Variants in ZNF280C observed in about 807,000 individuals in gnomAD.
ZNF280C encodes the protein zinc finger protein 280C, also known as suppressor of hairy wing homolog 3.
Under a neutral mutation model 53.6 loss-of-function variants are expected in ZNF280C, and 14 were observed. The observed-to-expected ratio is 0.26, with a 90% CI of 0.17 to 0.41. ZNF280C has a LOEUF of 0.41. Ranked by LOEUF, ZNF280C falls within the 10% of genes least tolerant of loss-of-function variation. The pLI, the probability that ZNF280C is intolerant of heterozygous loss-of-function variation, is 1.00. For missense variants in ZNF280C, 416 were observed against 547.1 expected (o/e 0.76, Z 2.39); for synonymous variants, 203 against 181.1 (o/e 1.12, Z -0.97).
At chrX:130,243,465 G>C (rs1031255225) in intron 5 of ZNF280C, 98 bp downstream of exon 5, 5 of 967,177 alleles carry the variant, frequency 5.2e-6, no homozygotes, top group Middle Eastern at 3.6e-4. Flanking sequence ...GATTACAGGC[G>C]TGAGCCACTG....
chrX:130,218,714 C>T (rs1437805511), intron 13 of ZNF280C, among the ~76,000 whole-genome samples: 1 of 111,922 alleles, frequency 8.9e-6, no homozygotes, highest in Non-Finnish European at 1.9e-5. Context: ...GCTACATGAC[C>T]TTGAGTAAGG....
At chrX:130,223,310 G>C (rs2032188728) in intron 12 of ZNF280C, among the ~76,000 whole-genome samples, 1 of 111,667 alleles carries the variant, frequency 9.0e-6, no homozygotes, top group African/African-American at 3.3e-5. Flanking sequence ...CGCCTGCCTT[G>C]GCCTCCCAAA....
chrX:130,250,089 C>T (rs1428435138), intron 2 of ZNF280C, among the ~76,000 whole-genome samples: 1 of 110,854 alleles, frequency 9.0e-6, no homozygotes, highest in Non-Finnish European at 1.9e-5. Flanking sequence ...TCTAAGATAG[C>T]CAAAAAAATA....
intron 15 of ZNF280C, among the ~76,000 whole-genome samples, chrX:130,214,429 C>T (rs1342191794): frequency 1.8e-5 from 2 of 111,181 alleles, no homozygotes; most frequent in Non-Finnish European, 3.8e-5. Flanking sequence ...CAGACAGATG[C>T]GGGAGACAGA....
chrX:130,250,567 C>G (rs1459782202), intron 2 of ZNF280C, among the ~76,000 whole-genome samples: 1 of 111,563 alleles, frequency 9.0e-6, no homozygotes, highest in Non-Finnish European at 1.9e-5. Context: ...TTCACTCTCC[C>G]CAGACTGAAC....
At chrX:130,259,311 G>C (rs2032605536) in intron 2 of ZNF280C, among the ~76,000 whole-genome samples, 2 of 112,023 alleles carry the variant, frequency 1.8e-5, no homozygotes, top group Non-Finnish European at 3.8e-5. Context: ...TAAGAAACTA[G>C]GTAAAGCCAG....
intron 12 of ZNF280C, among the ~76,000 whole-genome samples, chrX:130,223,163 T>A (rs1043948763): frequency 2.2e-4 from 24 of 110,570 alleles, no homozygotes; most frequent in East Asian, 2.0e-3. Context: ...GTTCATGTGA[T>A]TCTCCCCCCT....
chrX:130,243,424 T>A, intron 5 of ZNF280C, 139 bp downstream of exon 5: 4 of 640,641 alleles, frequency 6.2e-6, no homozygotes, highest in Non-Finnish European at 9.5e-6. Flanking sequence ...GCTCAAGCGA[T>A]CTGCCTGCCT....
chrX:130,263,328 A>C (rs1049957793), intron 1 of ZNF280C, among the ~76,000 whole-genome samples: 3 of 112,635 alleles, frequency 2.7e-5, no homozygotes, highest in Non-Finnish European at 5.6e-5. Context: ...TCAGGAATGG[A>C]CAAACAAAAT....
chrX:130,218,841 C>G (rs1468483293), intron 13 of ZNF280C, among the ~76,000 whole-genome samples: 1 of 111,440 alleles, frequency 9.0e-6, no homozygotes, highest in Non-Finnish European at 1.9e-5. Context: ...ACACCGAACA[C>G]TTAATTCTAA....
intron 13 of ZNF280C, among the ~76,000 whole-genome samples, chrX:130,216,720 T>C (rs2614252): frequency 0.54 from 59,492 of 110,894 alleles, 12,866 homozygotes; most frequent in African/African-American, 0.83. Context: ...TTTGGCAGGC[T>C]GGGTGTGGTG....
At chrX:130,217,322 G>A (rs1190252081) in intron 13 of ZNF280C, among the ~76,000 whole-genome samples, 1 of 111,944 alleles carries the variant, frequency 8.9e-6, no homozygotes, top group African/African-American at 3.2e-5. Flanking sequence ...AAAACATTAT[G>A]CTAAGCGAAA....
At chrX:130,243,462 G>T in intron 5 of ZNF280C, 101 bp downstream of exon 5, 1 of 959,021 alleles carries the variant, frequency 1.0e-6, no homozygotes, top group Non-Finnish European at 1.4e-6. Flanking sequence ...AAAGATTACA[G>T]GCGTGAGCCA....
At chrX:130,252,504 G>A (rs980578355) in intron 2 of ZNF280C, among the ~76,000 whole-genome samples, 5 of 111,136 alleles carry the variant, frequency 4.5e-5, no homozygotes, top group African/African-American at 1.3e-4. Context: ...GGCGGATCAC[G>A]AGGTCAAGAG....
At chrX:130,213,897 T>C (rs1416838883) in intron 15 of ZNF280C, among the ~76,000 whole-genome samples, 1 of 112,171 alleles carries the variant, frequency 8.9e-6, no homozygotes, top group Non-Finnish European at 1.9e-5. Flanking sequence ...GGTAGCTGAT[T>C]ATGAGCAGAA....
At chrX:130,265,154 TATTC>T (rs2032674743) in intron 1 of ZNF280C, among the ~76,000 whole-genome samples, 1 of 112,147 alleles carries the variant, frequency 8.9e-6, no homozygotes, top group Non-Finnish European at 1.9e-5. Context: ...ATTTTATCCT[TATTC>T]ATTTTCAACT....
intron 12 of ZNF280C, among the ~76,000 whole-genome samples, chrX:130,225,665 TAA>T (rs369564290): frequency 1.4e-4 from 12 of 83,746 alleles, no homozygotes; most frequent in Admixed American, 1.3e-4. Context: ...CCTACCAGGA[TAA>T]AAAAAAAAAA....
chrX:130,206,891 C>T (rs1206802082), intron 16 of ZNF280C, among the ~76,000 whole-genome samples: 3 of 112,163 alleles, frequency 2.7e-5, no homozygotes, highest in African/African-American at 9.7e-5. Flanking sequence ...ATGATGTTAA[C>T]GATTTATCGA....
Position 130,243,545 on chromosome X carries a change from A to G in ZNF280C, c.381+18T>C. The G allele has an allele frequency of 8.4e-7, 1 of 1,194,434 alleles. No homozygotes were observed. Among genetic ancestry groups the G allele is most frequent in the Non-Finnish European group, 1.1e-6 (1 of 886,090 alleles). On this transcript the variant is annotated intron_variant, in intron 5 of 18. Coordinates refer to ENST00000370978, the MANE Select transcript of ZNF280C (RefSeq NM_017666.5). ...CAATGTGTCCCTGAATTAATTGTGT[A>G]ATTTTATAAACACTTACAGGTTTAG...
Sources: allele counts gnomAD v4.1 joint callset (sites outside exome capture counted in the v4.1 genomes callset), GRCh38; gene constraint gnomAD v4.1.1; transcripts MANE v1.5; gene names NCBI Gene and HGNC (gene_info 2026-07-23, HGNC 2026-07-21).